HLCS: variants seen among roughly 807,000 people sequenced by gnomAD.
HLCS encodes holocarboxylase synthetase, also known as biotin--protein ligase.
HLCS carries 53 observed loss-of-function variants against 75.0 expected under a neutral mutation model. The observed-to-expected ratio is 0.71, with a 90% CI of 0.57 to 0.89. The LOEUF (loss-of-function observed/expected upper bound fraction) is 0.89, where lower values mean the gene tolerates loss of function less well. HLCS is among the 40% of genes least tolerant of loss of function. The pLI is 0.00. For synonymous variants in HLCS, 431 were observed against 428.6 expected (o/e 1.01, Z -0.07); for missense variants, 966 against 1,074.0 (o/e 0.90, Z 1.41).
chr21:36,791,947 C>T (rs773740464), intron 6 of HLCS, among the ~76,000 whole-genome samples: 1 of 152,076 alleles, frequency 6.6e-6, no homozygotes, highest in Non-Finnish European at 1.5e-5. Context: ...CTGGGATGGA[C>T]ACAGCAGGTT....
chr21:36,964,742 G>A lies in HLCS; in HGVS notation c.195+1702C>T, dbSNP rs545466935. On this transcript the variant is annotated intron_variant, in intron 1 of 10. Transcript: ENST00000674895. ...GTTATGGTTAGTGTAGTTAACAGAA[G>A]GCCAGCGGAGTCATGAAAATGTTCA... Among the ~76,000 whole-genome samples the A allele has an allele frequency of 9.2e-5, 14 of 152,326 alleles. No individual in the cohort carries two copies. The East Asian group carries it at 2.3e-3, about 25-fold the overall frequency.
intron 6 of HLCS, among the ~76,000 whole-genome samples, chr21:36,777,471 G>A (rs2145821437): frequency 6.6e-6 from 1 of 152,384 alleles, no homozygotes; most frequent in African/African-American, 2.4e-5. Context: ...CATCTATAGA[G>A]TGTATTCAAA....
intron 6 of HLCS, among the ~76,000 whole-genome samples, chr21:36,794,985 A>C (rs1433003106): frequency 1.3e-5 from 2 of 152,012 alleles, no homozygotes; most frequent in African/African-American, 4.8e-5. Flanking sequence ...ACGGAATCCA[A>C]GCAGAAGTCT....
At chr21:36,893,559 T>C (rs956621052) in intron 6 of HLCS, among the ~76,000 whole-genome samples, 1 of 152,214 alleles carries the variant, frequency 6.6e-6, no homozygotes, top group African/African-American at 2.4e-5. Flanking sequence ...GAAGACAGTT[T>C]GTCCATGGAC....
At chr21:36,874,092 C>T (rs2063866226) in intron 6 of HLCS, among the ~76,000 whole-genome samples, 1 of 152,184 alleles carries the variant, frequency 6.6e-6, no homozygotes, top group Non-Finnish European at 1.5e-5. Context: ...TGAAGTACAG[C>T]ACAAGATTCC....
At chr21:36,829,909 A>T (rs151016980) in intron 6 of HLCS, among the ~76,000 whole-genome samples, 2 of 152,200 alleles carry the variant, frequency 1.3e-5, no homozygotes, top group African/African-American at 4.8e-5. Context: ...CCGGCTGCAC[A>T]TGCACAGGGT....
In HLCS at chr21:36,962,154, T is replaced by A; in HGVS notation, c.212A>T (p.Asn71Ile). 1.6e-6 allele frequency: 2 copies of A among 1,288,784 alleles called. No homozygotes were observed. The highest frequency in any genetic ancestry group is 2.0e-6 in the Non-Finnish European group (2 of 987,988). The allele number at this position is 1,288,784 out of a possible 1,614,324, so 79.8% of individuals were successfully genotyped here. The change falls in exon 2 of 11, where the codon AAC (asparagine) becomes ATC (isoleucine). Residue 71 changes from asparagine (N) to isoleucine (I), a missense_variant. Transcript: ENST00000674895. ...VSDSQSIEDL[N>I]KWALFLVSPF... ...AGACACAAGAAATAGGGCCCACTTG[T>A]TCAAGTCTTCAATGGACTGTATAGA...
At chr21:36,912,380 A>G (rs1438867397) in intron 5 of HLCS, among the ~76,000 whole-genome samples, 2 of 152,188 alleles carry the variant, frequency 1.3e-5, no homozygotes, top group African/African-American at 4.8e-5. Context: ...GTTAAATAAA[A>G]GCCAGACACA....
rs1041157328 is a variant in HLCS, at chr21:36,922,872, A to G, written c.1620+7379T>C. Among the ~76,000 whole-genome samples the G allele has an allele frequency of 7.9e-5, 12 of 152,370 alleles. No homozygotes were observed. In the East Asian group the frequency reaches 2.3e-3, roughly 29 times the overall value. The stretch of plus-strand genomic sequence containing the variant: ...AATCTCCAGGCGGCATTCTCAAATC[A>G]TTAGCATGCATGGAAACAAAATGTG... On this transcript the variant is annotated intron_variant, in intron 5 of 10. Transcript: ENST00000674895.
At chr21:36,900,299 A>G (rs1256464386) in intron 5 of HLCS, among the ~76,000 whole-genome samples, 1 of 152,186 alleles carries the variant, frequency 6.6e-6, no homozygotes, top group African/African-American at 2.4e-5. Context: ...GAGCAAGTGA[A>G]GGAGGATGCT....
At chr21:36,973,408 TA>T in intron 1 of HLCS, among the ~76,000 whole-genome samples, 1 of 120,698 alleles carries the variant, frequency 8.3e-6, no homozygotes, top group South Asian at 3.2e-4. Context: ...AAACAGACTG[TA>T]CCCAGCTGTC....
intron 6 of HLCS, among the ~76,000 whole-genome samples, chr21:36,824,113 C>T (rs562738091): frequency 5.3e-5 from 8 of 152,206 alleles, no homozygotes; most frequent in South Asian, 2.1e-4. Context: ...AACCCTGTCT[C>T]TACTAAAAAT....
At chr21:36,827,104 G>A (rs2062031512) in intron 6 of HLCS, among the ~76,000 whole-genome samples, 1 of 152,116 alleles carries the variant, frequency 6.6e-6, no homozygotes, top group African/African-American at 2.4e-5. Flanking sequence ...GGAGAACACT[G>A]ATGCTTGCTG....
Position 36,763,968 on chromosome 21 carries a change from G to C in HLCS, c.2121+1044C>G, listed in dbSNP as rs148290961. 9.6e-4 allele frequency among the ~76,000 whole-genome samples: 146 copies of C among 152,332 alleles called. 2 individuals are homozygous for C. In the East Asian group the frequency reaches 0.02, roughly 21 times the overall value. On this transcript the variant is annotated intron_variant, in intron 8 of 10. Transcript: ENST00000674895. ...CAGTGGATAAAGGATAGTTCTGTTA[G>C]AGCACAGAGTCTGGTAAACAGAAGT...
intron 6 of HLCS, among the ~76,000 whole-genome samples, chr21:36,872,241 T>C (rs1347032457): frequency 6.6e-6 from 1 of 151,948 alleles, no homozygotes; most frequent in Non-Finnish European, 1.5e-5. Flanking sequence ...GCTAACATGG[T>C]GAAACCCCGT....
intron 3 of HLCS, among the ~76,000 whole-genome samples, chr21:36,937,982 T>C (rs978972837): frequency 2.0e-5 from 3 of 152,210 alleles, no homozygotes; most frequent in Admixed American, 6.5e-5. Context: ...TTAAGGGATT[T>C]ACATAAACTT....
chr21:36,773,940 C>T (rs2060281250), intron 6 of HLCS, among the ~76,000 whole-genome samples: 1 of 152,118 alleles, frequency 6.6e-6, no homozygotes, highest in Non-Finnish European at 1.5e-5. Context: ...AGTTAAAACG[C>T]TAAAATATCA....
At position 36,937,214 on chromosome 21, in the gene HLCS, T is replaced by C. The variant is rs2066933598; in HGVS notation, c.672A>G (p.Arg224=). 6.2e-7 allele frequency: 1 copy of C among 1,613,964 alleles called. No homozygotes were observed. Among genetic ancestry groups the C allele is most frequent in the South Asian group, 1.1e-5 (1 of 91,078 alleles). ...KALGEEPKQR[R]GSASGSEPAG... ...CAGGCTCACTCCCAGAGGCACTGCC[T>C]CTCCTTTGTTTGGGTTCTTCACCAA... is the stretch of plus-strand genomic sequence containing the variant. Residue 224 remains arginine (R), a synonymous_variant, in exon 4 of 11, where the codon AGA becomes AGG. Transcript: ENST00000674895.
intron 6 of HLCS, among the ~76,000 whole-genome samples, chr21:36,824,393 G>A (rs1490929156): frequency 2.0e-5 from 3 of 152,072 alleles, no homozygotes; most frequent in African/African-American, 7.2e-5. Flanking sequence ...TCAACAATGA[G>A]AACACATGGA....
Sources: gnomAD v4.1 joint callset for allele counts (sites outside exome capture counted in the v4.1 genomes callset) on GRCh38, gnomAD v4.1.1 for gene constraint, MANE v1.5 for transcripts, NCBI Gene and HGNC (gene_info 2026-07-23, HGNC 2026-07-21) for gene names.